The following ZNF44 variants were observed in gnomAD, a reference collection of about 807,000 sequenced individuals.
ZNF44 encodes zinc finger protein 44.
ZNF44 carries 9 observed loss-of-function variants against 11.7 expected under a neutral mutation model. The ratio of observed to expected loss-of-function variants is 0.77; its 90% CI spans 0.46 to 1.35. ZNF44 has a LOEUF of 1.35. Ranked by LOEUF, ZNF44 falls within the 40% of genes most tolerant of loss-of-function variation. ZNF44 has a pLI of 0.00. For synonymous variants in ZNF44, 224 were observed against 242.7 expected (o/e 0.92, Z 0.72); for missense variants, 696 against 743.1 (o/e 0.94, Z 0.74).
chr19:12,293,218 C>A (rs1426062933), intron 1 of ZNF44: 1 of 1,534,726 alleles, frequency 6.5e-7, no homozygotes, highest in Non-Finnish European at 8.7e-7. Flanking sequence ...TTCCTCCCAC[C>A]CCAGTGCATC....
intron 5 of ZNF44, among the ~76,000 whole-genome samples, chr19:12,266,793 C>G (rs144160333): frequency 4.6e-5 from 7 of 152,328 alleles, no homozygotes; most frequent in East Asian, 3.9e-4. Flanking sequence ...AGAGCTGGCA[C>G]TGGCGTCTCC....
chr19:12,225,371 A>G (rs903736863), downstream of ZNF44: 1 of 152,252 alleles, frequency 6.6e-6, no homozygotes, highest in Non-Finnish European at 1.5e-5. Flanking sequence ...GACCCATGCT[A>G]TCTATGATTT....
intron 1 of ZNF44, chr19:12,293,179 G>A: frequency 6.6e-7 from 1 of 1,517,152 alleles, no homozygotes; most frequent in South Asian, 1.2e-5. Context: ...CCAGGGGTTA[G>A]CTTTTTACAG....
downstream of ZNF44, among the ~76,000 whole-genome samples, chr19:12,245,305 T>C (rs144020196): frequency 1.2e-4 from 18 of 152,330 alleles, no homozygotes; most frequent in East Asian, 3.3e-3. Context: ...ATGGAAAATA[T>C]TAATACAATA....
At chr19:12,227,641 C>T (rs184691765) in intron 3 of ZNF44, among the ~76,000 whole-genome samples, 163 of 152,252 alleles carry the variant, frequency 1.1e-3, no homozygotes, top group Non-Finnish European at 2.8e-4. Context: ...TACTTAAAGA[C>T]GCAATTGACA....
chr19:12,251,202 A>G (rs1916977841), intron 5 of ZNF44, among the ~76,000 whole-genome samples: 1 of 151,970 alleles, frequency 6.6e-6, no homozygotes, highest in East Asian at 1.9e-4. Context: ...GTGGTGGTGC[A>G]TGCCTATAAT....
exon 8 of ZNF44, chr19:12,247,711 G>A (rs1916813842): frequency 3.0e-6 from 4 of 1,350,700 alleles, no homozygotes; most frequent in Admixed American, 2.0e-5. Context: ...TCTCCAGTAT[G>A]AGTCCTTTCA....
At chr19:12,251,934 C>T (rs989034161) in intron 5 of ZNF44, among the ~76,000 whole-genome samples, 1 of 151,774 alleles carries the variant, frequency 6.6e-6, no homozygotes, top group Non-Finnish European at 1.5e-5. Flanking sequence ...GCCTGTAATC[C>T]CAGCTACTAG....
At chr19:12,242,001 T>C (rs936673154), upstream of ZNF44, among the ~76,000 whole-genome samples, 4 of 151,994 alleles carry the variant, frequency 2.6e-5, no homozygotes, top group Non-Finnish European at 4.4e-5. Context: ...AGCAAATTCA[T>C]AGAGCAAGAA....
intron 3 of ZNF44, among the ~76,000 whole-genome samples, chr19:12,230,011 A>G (rs147381615): frequency 1.5e-3 from 229 of 151,744 alleles, no homozygotes; most frequent in African/African-American, 5.3e-3. Flanking sequence ...AATATAGAGA[A>G]CCTCTTGCCA....
chr19:12,286,937 T>TA (rs969550041), intron 1 of ZNF44, among the ~76,000 whole-genome samples: 140 of 146,520 alleles, frequency 9.6e-4, no homozygotes, highest in African/African-American at 3.0e-3. Flanking sequence ...AAATAAAAAA[T>TA]AAAAAAAAAA....
chr19:12,257,756 G>A lies in ZNF44; in HGVS notation c.1913-7388C>T, dbSNP rs145902077. ...ATGGAGGCTGCAGTGAGCCGAGATC[G>A]CGCCACTGCACTCCAGCCCCGGCAA... is the stretch of plus-strand genomic sequence containing the variant. On this transcript the variant is annotated intron_variant and NMD_transcript_variant, in intron 5 of 7. Coordinates refer to the ZNF44 transcript ENST00000393337. 1.4e-4 allele frequency among the ~76,000 whole-genome samples: 21 copies of A among 147,728 alleles called. 2 individuals carry two copies. In the East Asian group the frequency reaches 1.8e-3, roughly 13 times the overall value.
At chr19:12,277,185 T>C (rs994470133) in intron 1 of ZNF44, among the ~76,000 whole-genome samples, 1 of 152,186 alleles carries the variant, frequency 6.6e-6, no homozygotes, top group African/African-American at 2.4e-5. Context: ...TTCAATGTCT[T>C]ACTTGGGGGA....
intron 1 of ZNF44, chr19:12,284,982 C>G: frequency 1.4e-6 from 1 of 718,440 alleles, no homozygotes; most frequent in Non-Finnish European, 2.5e-6. Context: ...CACCTCAGCC[C>G]GGGGCTGCAC....
downstream of ZNF44, chr19:12,271,662 A>G (rs1966952497): frequency 6.6e-6 from 1 of 152,358 alleles, no homozygotes; most frequent in East Asian, 1.9e-4. Flanking sequence ...TCATTAGACA[A>G]AAGTAATCTG....
chr19:12,259,570 T>G (rs1466904654), intron 5 of ZNF44, among the ~76,000 whole-genome samples: 1 of 152,136 alleles, frequency 6.6e-6, no homozygotes, highest in Non-Finnish European at 1.5e-5. Context: ...CCCTGCTTTG[T>G]TTTTTGGTTA....
intron 1 of ZNF44, among the ~76,000 whole-genome samples, chr19:12,286,189 T>C (rs1340572417): frequency 6.6e-6 from 1 of 152,224 alleles, no homozygotes; most frequent in East Asian, 1.9e-4. Context: ...CCTTTCTTGA[T>C]GTCTCTGAAT....
upstream of ZNF44, among the ~76,000 whole-genome samples, chr19:12,238,364 C>T (rs1421812137): frequency 6.6e-6 from 1 of 151,836 alleles, no homozygotes; most frequent in East Asian, 1.9e-4. Flanking sequence ...CGGTAGCTCA[C>T]GCCTGTAATC....
intron 2 of ZNF44, 50 bp downstream of exon 2, chr19:12,275,906 C>G (rs1036822378): frequency 6.5e-7 from 1 of 1,536,106 alleles, no homozygotes; most frequent in Non-Finnish European, 8.8e-7. Context: ...TTGATGACCA[C>G]AAAACAAATG....
Sources: gnomAD v4.1 joint callset for allele counts (sites outside exome capture counted in the v4.1 genomes callset) on GRCh38, gnomAD v4.1.1 for gene constraint, MANE v1.5 for transcripts, NCBI Gene and HGNC (gene_info 2026-07-23, HGNC 2026-07-21) for gene names.